The following MPDZ variants were observed in gnomAD, a reference collection of about 807,000 sequenced individuals.
The protein encoded by MPDZ is multiple PDZ domain protein.
Under a neutral mutation model 239.1 loss-of-function variants are expected in MPDZ, and 234 were observed. The observed-to-expected ratio is 0.98, with a 90% CI of 0.88 to 1.09. The LOEUF (loss-of-function observed/expected upper bound fraction) is 1.09, where lower values mean the gene tolerates loss of function less well. Among genes scored for constraint, MPDZ ranks in the 50% least tolerant of loss-of-function variants. The probability of loss-of-function intolerance (pLI) is 0.00; values close to 1 mark genes in which losing one functional copy is unlikely to be tolerated. For synonymous variants in MPDZ, 1,048 were observed against 881.3 expected, an observed-to-expected ratio of 1.19 and a Z score of -3.35; for missense variants, 3,175 against 2,510.0, an observed-to-expected ratio of 1.26 and a Z score of -5.66.
At chr9:13,131,327 T>C (rs1238448227) in intron 32 of MPDZ, among the ~76,000 whole-genome samples, 4 of 152,158 alleles carry the variant, frequency 2.6e-5, no homozygotes, top group Admixed American at 1.3e-4. Flanking sequence ...GTTAGAAGTA[T>C]TAACAAAAAT....
chr9:13,113,359 C>T (rs750951125), intron 41 of MPDZ, among the ~76,000 whole-genome samples: 1 of 151,900 alleles, frequency 6.6e-6, no homozygotes, highest in Non-Finnish European at 1.5e-5. Context: ...CACATGTGCA[C>T]GGCTGAGAGG....
At chr9:13,111,927 T>C (rs954768531) in intron 43 of MPDZ, 97 bp downstream of exon 43, 1 of 1,303,672 alleles carries the variant, frequency 7.7e-7, no homozygotes, top group Non-Finnish European at 1.1e-6. Flanking sequence ...AATATAGATA[T>C]TTAAAACTGC....
intron 3 of MPDZ, among the ~76,000 whole-genome samples, chr9:13,241,922 A>G (rs1314146866): frequency 6.6e-6 from 1 of 152,154 alleles, no homozygotes; most frequent in African/African-American, 2.4e-5. Context: ...AGATATTTGA[A>G]GCTGAACCTC....
intron 24 of MPDZ, among the ~76,000 whole-genome samples, chr9:13,152,494 CTT>C (rs1261322859): frequency 1.3e-5 from 2 of 152,102 alleles, no homozygotes; most frequent in African/African-American, 2.4e-5. Flanking sequence ...GCTCTCTTCT[CTT>C]GTCTGCCACC....
intron 34 of MPDZ, 45 bp downstream of exon 34, chr9:13,126,471 C>A (rs10738323): frequency 4.4e-5 from 59 of 1,341,650 alleles, no homozygotes; most frequent in Middle Eastern, 3.7e-4. Flanking sequence ...TAATCATGCC[C>A]AAGGATGGGC....
chr9:13,165,278 G>T, intron 22 of MPDZ: 1 of 1,264,434 alleles, frequency 7.9e-7, no homozygotes, highest in East Asian at 2.6e-5. Context: ...ATCTATTCTT[G>T]CATTGGGACA....
chr9:13,161,766 T>C (rs1177684405), intron 23 of MPDZ, among the ~76,000 whole-genome samples: 1 of 152,150 alleles, frequency 6.6e-6, no homozygotes, highest in Non-Finnish European at 1.5e-5. Flanking sequence ...TTTCTCTCCC[T>C]GATCTTGACT....
At chr9:13,269,682 G>T (rs1972536194) in intron 1 of MPDZ, among the ~76,000 whole-genome samples, 3 of 152,168 alleles carry the variant, frequency 2.0e-5, no homozygotes, top group Admixed American at 2.0e-4. Flanking sequence ...CTGTACCAAA[G>T]AATTCCTAGA....
intron 35 of MPDZ, among the ~76,000 whole-genome samples, 168 bp from the exon 36 acceptor site, chr9:13,123,466 A>C (rs1206295709): frequency 6.6e-6 from 1 of 152,180 alleles, no homozygotes; most frequent in African/African-American, 2.4e-5. Flanking sequence ...TTATATTTAA[A>C]AATAAAACAA....
chr9:13,213,941 T>G (rs928809917), intron 10 of MPDZ, among the ~76,000 whole-genome samples: 1 of 152,088 alleles, frequency 6.6e-6, no homozygotes, highest in Admixed American at 6.6e-5. Flanking sequence ...AATACTCATT[T>G]GATTTTCCTG....
intron 11 of MPDZ, among the ~76,000 whole-genome samples, chr9:13,205,568 G>A (rs1307724345): frequency 6.6e-6 from 1 of 152,120 alleles, no homozygotes; most frequent in Non-Finnish European, 1.5e-5. Flanking sequence ...CCAGGCAGAA[G>A]AGCATCCCCC....
At chr9:13,279,330 CCCCGCCGGCGCG>C (rs1164161465) in intron 1 of MPDZ, 58 bp downstream of exon 1, 2 of 139,030 alleles carry the variant, frequency 1.4e-5, no homozygotes, top group Admixed American at 1.4e-4. Context: ...CGCGCACCTT[CCCCGCCGGCGCG>C]CGCGCAGGGC....
intron 9 of MPDZ, 71 bp downstream of exon 9, chr9:13,217,109 C>A: frequency 1.8e-6 from 2 of 1,088,872 alleles, no homozygotes; most frequent in South Asian, 1.5e-5. Context: ...AATATCAACT[C>A]AATATTTTAT....
chr9:13,134,093 A>C (rs1422149907), intron 31 of MPDZ, 189 bp from the exon 32 acceptor site: 1 of 240,834 alleles, frequency 4.2e-6, no homozygotes, highest in Non-Finnish European at 7.7e-6. Flanking sequence ...CTATTTTAAC[A>C]TTCTATGGAA....
rs1165077591 is a variant in MPDZ, at chr9:13,113,921, C to G, written c.5557+10G>C. ...TTCAAACCATGTTTAAAATACTGAACCAATCTTACATGCATTCTTCTTTGA... is the reference window on the plus strand; with the variant it reads ...TTCAAACCATGTTTAAAATACTGAAGCAATCTTACATGCATTCTTCTTTGA... On this transcript the variant is annotated intron_variant, in intron 41 of 46. Transcript: ENST00000319217. The G allele has an allele frequency of 1.9e-6, 3 of 1,571,614 alleles. No homozygotes were observed. The Admixed American group carries it at 5.5e-5, about 29-fold the overall frequency.
chr9:13,134,048 A>C (rs1377544907), intron 31 of MPDZ, 144 bp from the exon 32 acceptor site: 1 of 303,022 alleles, frequency 3.3e-6, no homozygotes, highest in Non-Finnish European at 5.9e-6. Flanking sequence ...CACTATTGCT[A>C]TTTTAATACA....
intron 24 of MPDZ, among the ~76,000 whole-genome samples, chr9:13,154,682 A>C (rs1213529482): frequency 6.6e-6 from 1 of 152,100 alleles, no homozygotes; most frequent in Non-Finnish European, 1.5e-5. Flanking sequence ...GGTGGTGATG[A>C]AGGTGATGAT....
rs372115739 is a variant in MPDZ at position 13,136,210 on chromosome 9, A to G, written c.4293-28T>C. On this transcript the variant is annotated intron_variant, in intron 30 of 46. Transcript: ENST00000319217. ...AAAAGCAAAAAAACAACAACCTATTATAACATCATGGTATTATTTTCATTC... is the reference window on the plus strand; with the variant it reads ...AAAAGCAAAAAAACAACAACCTATTGTAACATCATGGTATTATTTTCATTC... The G allele has an allele frequency of 4.1e-6, 6 of 1,448,596 alleles. No homozygotes were observed. In the African/African-American group the frequency reaches 7.0e-5, roughly 17 times the overall value. The allele number at this position is 1,448,596 out of a possible 1,614,324, so 89.7% of individuals were successfully genotyped here.
chr9:13,206,109 A>C lies in MPDZ; in HGVS notation c.1291-10T>G. On this transcript the variant is annotated splice_polypyrimidine_tract_variant and intron_variant, in intron 10 of 46. Coordinates refer to ENST00000319217, the MANE Select transcript of MPDZ (RefSeq NM_001378778.1). ...GGTTTGTGCCATCTACCTGTGATTA[A>C]AAAAAAAAAAAAGCATGTTACATGT... The C allele has an allele frequency of 1.2e-6, 1 of 826,360 alleles. No homozygotes were observed. Among genetic ancestry groups the C allele is most frequent in the Non-Finnish European group, 1.7e-6 (1 of 605,354 alleles). The allele number at this position is 826,360 out of a possible 1,614,324, so 51.2% of individuals were successfully genotyped here.
Sources: gnomAD v4.1 joint callset for allele counts (sites outside exome capture counted in the v4.1 genomes callset) on GRCh38, gnomAD v4.1.1 for gene constraint, MANE v1.5 for transcripts, NCBI Gene and HGNC (gene_info 2026-07-23, HGNC 2026-07-21) for gene names.